TMX4: variants seen among roughly 807,000 people sequenced by gnomAD.
The protein encoded by TMX4 is thioredoxin related transmembrane protein 4.
A neutral mutation model predicts 33.3 loss-of-function variants in TMX4; 23 were observed. That is an observed-to-expected ratio of 0.69 (90% CI 0.50 to 0.98). The LOEUF (loss-of-function observed/expected upper bound fraction) is 0.98, where lower values mean the gene tolerates loss of function less well. Ranked by LOEUF, TMX4 falls within the 50% of genes least tolerant of loss-of-function variation. The probability of loss-of-function intolerance (pLI) is 0.00; values close to 1 mark genes in which losing one functional copy is unlikely to be tolerated. For missense variants in TMX4, 399 were observed against 448.9 expected, an observed-to-expected ratio of 0.89 and a Z score of 1.01; for synonymous variants, 164 against 161.5, an observed-to-expected ratio of 1.02 and a Z score of -0.12.
chr20:8,017,453 T>TA (rs1012252525), intron 1 of TMX4, among the ~76,000 whole-genome samples: 7 of 152,190 alleles, frequency 4.6e-5, no homozygotes, highest in African/African-American at 1.7e-4. Flanking sequence ...TATACATTCA[T>TA]AAAAAAGTAA....
intron 6 of TMX4, 31 bp from the exon 7 acceptor site, chr20:7,983,888 T>A (rs1236383999): frequency 4.5e-6 from 7 of 1,567,848 alleles, no homozygotes; most frequent in Non-Finnish European, 6.1e-6. Context: ...TTACAGTGAA[T>A]AGATAGGACA....
intron 2 of TMX4, among the ~76,000 whole-genome samples, chr20:8,002,454 G>A (rs1160919275): frequency 6.6e-6 from 1 of 152,162 alleles, no homozygotes; most frequent in Non-Finnish European, 1.5e-5. Flanking sequence ...TAGGAGTAAA[G>A]AACAGATCCT....
chr20:7,987,327 G>GAAA lies in TMX4; in HGVS notation c.573_575dup (p.Phe192dup). 1.3e-6 allele frequency: 2 copies of GAAA among 1,596,356 alleles called. No homozygotes were observed. The highest frequency in any genetic ancestry group is 1.7e-6 in the Non-Finnish European group (2 of 1,174,830). ...GGCCAAAAACCAAGGTGGCTATGAC[G>GAAA]AAAAAGACATAAGAACACCAAGCAG... On this transcript the variant is annotated inframe_insertion, in exon 6 of 8. Coordinates refer to ENST00000246024, the MANE Select transcript of TMX4 (RefSeq NM_021156.4).
intron 5 of TMX4, among the ~76,000 whole-genome samples, chr20:7,992,926 C>A (rs1217791567): frequency 6.6e-6 from 1 of 152,090 alleles, no homozygotes; most frequent in African/African-American, 2.4e-5. Context: ...ATAGAAAAAA[C>A]GTTTTTAAAA....
chr20:7,995,064 A>G (rs1432787472), intron 5 of TMX4, among the ~76,000 whole-genome samples: 1 of 152,196 alleles, frequency 6.6e-6, no homozygotes, highest in Non-Finnish European at 1.5e-5. Flanking sequence ...TAGGTATTCT[A>G]TCTCACAAGG....
At chr20:7,992,080 T>G (rs114049307) in intron 5 of TMX4, among the ~76,000 whole-genome samples, 1,640 of 152,378 alleles carry the variant, frequency 0.011, 19 homozygotes, top group Middle Eastern at 0.027. Flanking sequence ...ATTGCTTTTA[T>G]GATATTCACC....
chr20:8,018,394 GA>G (rs2050787850), intron 1 of TMX4, among the ~76,000 whole-genome samples: 2 of 39,630 alleles, frequency 5.0e-5, no homozygotes, highest in African/African-American at 2.1e-4. Context: ...GAGAGAGAGG[GA>G]GGGAGGGAGG....
chr20:7,991,856 G>C (rs1244280925), intron 5 of TMX4, among the ~76,000 whole-genome samples: 2 of 151,398 alleles, frequency 1.3e-5, no homozygotes, highest in African/African-American at 2.4e-5. Context: ...ATAGGATTCA[G>C]GGGCCTACAC....
intron 1 of TMX4, among the ~76,000 whole-genome samples, chr20:8,014,458 A>AT (rs1473999604): frequency 6.6e-6 from 1 of 152,250 alleles, no homozygotes; most frequent in Non-Finnish European, 1.5e-5. Flanking sequence ...GTCACAAAGT[A>AT]TTTTTTGAAC....
intron 5 of TMX4, among the ~76,000 whole-genome samples, chr20:7,992,679 G>C (rs115242598): frequency 0.011 from 1,631 of 152,202 alleles, 19 homozygotes; most frequent in African/African-American, 0.027. Context: ...TCATCACCAG[G>C]TGATCCTAGA....
At chr20:7,998,396 A>G (rs2050686428) in intron 4 of TMX4, among the ~76,000 whole-genome samples, 1 of 152,060 alleles carries the variant, frequency 6.6e-6, no homozygotes, top group Non-Finnish European at 1.5e-5. Flanking sequence ...CTACCTTCAT[A>G]ACATATTTAA....
rs2050585136 is a variant in TMX4, at chr20:7,977,515, AC to A, written c.*4735del. 6.6e-6 allele frequency: 1 copy of A among 152,246 alleles called. No homozygotes were observed. The highest frequency in any genetic ancestry group is 1.5e-5 in the Non-Finnish European group (1 of 68,046). 9.4% of individuals were successfully genotyped at this position (152,246 alleles called of 1,614,324 possible). On this transcript the variant is annotated 3_prime_UTR_variant, in exon 8 of 8. Transcript: ENST00000246024. ...AAATGGGAATTTACAATAAAATGAA[AC>A]AAATAGGATCAGGGATTATATACAA...
rs921031995 is a variant in TMX4, at chr20:7,979,670, C to T, written c.*2581G>A. ...AGGAGAATCCCTTGAACTAGGGAGGCGGAGGTTGTAGTAAGCCAAGATTGT... is the reference window on the plus strand; with the variant it reads ...AGGAGAATCCCTTGAACTAGGGAGGTGGAGGTTGTAGTAAGCCAAGATTGT... On this transcript the variant is annotated 3_prime_UTR_variant, in exon 8 of 8. Coordinates refer to ENST00000246024, the MANE Select transcript of TMX4 (RefSeq NM_021156.4). The T allele has an allele frequency of 1.4e-5, 2 of 146,904 alleles. No homozygotes were observed. Among genetic ancestry groups the T allele is most frequent in the South Asian group, 2.1e-4 (1 of 4,666 alleles). 9.1% of individuals were successfully genotyped at this position (146,904 alleles called of 1,614,324 possible). A position where few individuals can be genotyped will look rare whatever the true frequency, so the allele number is the denominator to read the frequency against.
chr20:8,019,356 G>A, intron 1 of TMX4, 82 bp downstream of exon 1: 1 of 1,431,970 alleles, frequency 7.0e-7, no homozygotes, highest in African/African-American at 1.5e-5. Flanking sequence ...CGGCAATGCG[G>A]GATCGCCACC....
At chr20:8,019,010 T>C (rs1600151370) in intron 1 of TMX4, 1 of 452,666 alleles carries the variant, frequency 2.2e-6, no homozygotes, top group Non-Finnish European at 4.4e-6. Flanking sequence ...TGTCACTGAA[T>C]GTCCTTTCTC....
At chr20:7,984,318 C>A (rs1412097729) in intron 6 of TMX4, among the ~76,000 whole-genome samples, 2 of 152,172 alleles carry the variant, frequency 1.3e-5, no homozygotes, top group African/African-American at 4.8e-5. Flanking sequence ...ATGCCCTGGG[C>A]AGTCAGGAGA....
At chr20:8,006,790 T>C (rs1426675746) in intron 2 of TMX4, among the ~76,000 whole-genome samples, 1 of 150,334 alleles carries the variant, frequency 6.7e-6, no homozygotes, top group Non-Finnish European at 1.5e-5. Context: ...CAAAGTTATG[T>C]TCTTGTTGCC....
At chr20:7,985,277 A>ATATATT (rs1436534553) in intron 6 of TMX4, among the ~76,000 whole-genome samples, 7 of 110,542 alleles carry the variant, frequency 6.3e-5, no homozygotes, top group African/African-American at 2.0e-4. Flanking sequence ...ATATATATAT[A>ATATATT]TTTTTTTTTT....
At position 7,979,310 on chromosome 20, in the gene TMX4, T is replaced by C. The variant is rs562878948; in HGVS notation, c.*2941A>G. 20 of 152,238 alleles carry C rather than the reference T, an allele frequency of 1.3e-4. No individual in the cohort carries two copies. Among genetic ancestry groups the C allele is most frequent in the African/African-American group, 4.8e-4 (20 of 41,548 alleles). The allele number at this position is 152,238 out of a possible 1,614,324, so 9.4% of individuals were successfully genotyped here. A position where few individuals can be genotyped will look rare whatever the true frequency, so the allele number is the denominator to read the frequency against. ...TTAAATTTTGTTGGAAAAAAACCCA[T>C]CTTTGCCATGATGTTAAAAAAGGGA... On this transcript the variant is annotated 3_prime_UTR_variant, in exon 8 of 8. Transcript: ENST00000246024.
Sources: gnomAD v4.1 joint callset for allele counts (sites outside exome capture counted in the v4.1 genomes callset) on GRCh38, gnomAD v4.1.1 for gene constraint, MANE v1.5 for transcripts, NCBI Gene and HGNC (gene_info 2026-07-23, HGNC 2026-07-21) for gene names.